NTRK2: variants seen among roughly 807,000 people sequenced by gnomAD.
NTRK2 encodes the protein neurotrophic receptor tyrosine kinase 2.
A neutral mutation model predicts 94.5 loss-of-function variants in NTRK2; 13 were observed. The ratio of observed to expected loss-of-function variants is 0.14; its 90% CI spans 0.09 to 0.22. NTRK2 has a LOEUF of 0.22. NTRK2 is among the 10% of genes least tolerant of loss of function. NTRK2 has a pLI of 1.00. For synonymous variants in NTRK2, 372 were observed against 407.4 expected (o/e 0.91, Z 1.05); for missense variants, 639 against 1,071.2 (o/e 0.60, Z 5.63).
At chr9:84,899,727 G>T (rs1364679318) in intron 14 of NTRK2, among the ~76,000 whole-genome samples, 1 of 152,084 alleles carries the variant, frequency 6.6e-6, no homozygotes, top group Non-Finnish European at 1.5e-5. Flanking sequence ...AGAGAGACAG[G>T]AAGAAAAAGG....
At chr9:84,884,984 G>T (rs1399300983) in intron 14 of NTRK2, among the ~76,000 whole-genome samples, 1 of 152,182 alleles carries the variant, frequency 6.6e-6, no homozygotes, top group African/African-American at 2.4e-5. Context: ...AGTAGAACAT[G>T]TAAAATATGT....
At chr9:84,721,544 G>A (rs975680096) in intron 6 of NTRK2, among the ~76,000 whole-genome samples, 1 of 152,174 alleles carries the variant, frequency 6.6e-6, no homozygotes, top group Non-Finnish European at 1.5e-5. Flanking sequence ...TGAAGACAGA[G>A]TATGTTGAAT....
intron 14 of NTRK2, among the ~76,000 whole-genome samples, chr9:84,906,383 A>G (rs541185153): frequency 3.3e-5 from 5 of 152,124 alleles, no homozygotes; most frequent in Non-Finnish European, 5.9e-5. Context: ...TGTGAGAGAA[A>G]AAGTGTATTT....
chr9:84,701,563 C>T (rs920293612), intron 2 of NTRK2, among the ~76,000 whole-genome samples: 6 of 152,154 alleles, frequency 3.9e-5, no homozygotes, highest in African/African-American at 1.2e-4. Flanking sequence ...ACGGAGAATG[C>T]GCTAAGGCCA....
intron 17 of NTRK2, among the ~76,000 whole-genome samples, chr9:84,962,914 C>A (rs1825123737): frequency 6.6e-6 from 1 of 152,176 alleles, no homozygotes; most frequent in Admixed American, 6.5e-5. Context: ...CCTAAGGAAC[C>A]AATATGCTAC....
chr9:84,746,511 G>A (rs576966575), intron 11 of NTRK2, among the ~76,000 whole-genome samples: 1 of 152,206 alleles, frequency 6.6e-6, no homozygotes, highest in South Asian at 2.1e-4. Context: ...TCTTTGTAAA[G>A]TGCAGATCAG....
intron 17 of NTRK2, among the ~76,000 whole-genome samples, chr9:84,961,971 T>C (rs1165541457): frequency 6.6e-6 from 1 of 152,254 alleles, no homozygotes; most frequent in Non-Finnish European, 1.5e-5. Context: ...CATCACAGTA[T>C]GTGATCCAGG....
intron 12 of NTRK2, among the ~76,000 whole-genome samples, chr9:84,794,584 T>C (rs1349104812): frequency 6.6e-6 from 1 of 152,252 alleles, no homozygotes; most frequent in African/African-American, 2.4e-5. Context: ...AAATGAGCTA[T>C]GTATAAAATG....
intron 12 of NTRK2, among the ~76,000 whole-genome samples, chr9:84,766,663 A>T (rs543228253): frequency 1.3e-5 from 2 of 151,792 alleles, no homozygotes; most frequent in African/African-American, 2.4e-5. Context: ...ACATACACAC[A>T]CTCAACACAC....
chr9:84,688,631 T>C (rs2059862641), intron 2 of NTRK2, among the ~76,000 whole-genome samples: 1 of 152,186 alleles, frequency 6.6e-6, no homozygotes, highest in South Asian at 2.1e-4. Context: ...CTTCCCCATA[T>C]GGATTTTATT....
intron 14 of NTRK2, among the ~76,000 whole-genome samples, chr9:84,916,424 G>C (rs2132534503): frequency 6.6e-6 from 1 of 152,324 alleles, no homozygotes; most frequent in Non-Finnish European, 1.5e-5. Context: ...GTACTCAGGA[G>C]ACATTACTAG....
At chr9:84,803,614 C>A in intron 12 of NTRK2, among the ~76,000 whole-genome samples, 1 of 152,176 alleles carries the variant, frequency 6.6e-6, no homozygotes, top group East Asian at 1.9e-4. Context: ...CAGTTCAGTC[C>A]TCTGAATGAG....
intron 12 of NTRK2, among the ~76,000 whole-genome samples, chr9:84,860,052 T>C (rs1388225560): frequency 3.3e-5 from 5 of 152,222 alleles, no homozygotes; most frequent in African/African-American, 1.2e-4. Context: ...CTAAGTCATC[T>C]TGAGTGTGCA....
chr9:84,873,909 G>A (rs201246086), intron 14 of NTRK2: 2 of 1,062,740 alleles, frequency 1.9e-6, no homozygotes, highest in Non-Finnish European at 2.3e-6. Flanking sequence ...GGGAGACAGA[G>A]TGATATTCTG....
intron 17 of NTRK2, among the ~76,000 whole-genome samples, chr9:84,959,405 C>T (rs1344882835): frequency 6.6e-6 from 1 of 152,172 alleles, no homozygotes; most frequent in African/African-American, 2.4e-5. Flanking sequence ...AAGCAAGAAC[C>T]ATTCCCACTA....
At chr9:84,692,460 C>CTTTTTTT (rs1175762583) in intron 2 of NTRK2, among the ~76,000 whole-genome samples, 1 of 122,078 alleles carries the variant, frequency 8.2e-6, no homozygotes. Flanking sequence ...TCTTTTTTTT[C>CTTTTTTT]TTTTTTTCTT....
intron 14 of NTRK2, among the ~76,000 whole-genome samples, chr9:84,881,968 C>A (rs540333768): frequency 6.6e-6 from 1 of 152,296 alleles, no homozygotes; most frequent in Non-Finnish European, 1.5e-5. Flanking sequence ...ATTGAATTTA[C>A]ACAATAGTCA....
At chr9:84,995,571 C>T (rs969521621) in intron 17 of NTRK2, among the ~76,000 whole-genome samples, 7 of 152,118 alleles carry the variant, frequency 4.6e-5, no homozygotes, top group African/African-American at 1.7e-4. Flanking sequence ...GAGGCTGTGC[C>T]GCTGGGTCTG....
intron 12 of NTRK2, among the ~76,000 whole-genome samples, chr9:84,762,329 T>C (rs983554119): frequency 3.3e-5 from 5 of 152,206 alleles, no homozygotes; most frequent in Non-Finnish European, 7.3e-5. Flanking sequence ...CAGCTCAACA[T>C]GTGGGCTGTT....
Sources: allele counts gnomAD v4.1 joint callset (sites outside exome capture counted in the v4.1 genomes callset), GRCh38; gene constraint gnomAD v4.1.1; transcripts MANE v1.5; gene names NCBI Gene and HGNC (gene_info 2026-07-23, HGNC 2026-07-21).